SLC35F1: variants seen among roughly 807,000 people sequenced by gnomAD.
SLC35F1 encodes the protein solute carrier family 35 member F1, also known as chromosome 6 open reading frame 169.
A neutral mutation model predicts 48.7 loss-of-function variants in SLC35F1; 14 were observed. The ratio of observed to expected loss-of-function variants is 0.29; its 90% confidence interval spans 0.19 to 0.45. The LOEUF (loss-of-function observed/expected upper bound fraction) is 0.45, where lower values mean the gene tolerates loss of function less well. SLC35F1 is among the 20% of genes least tolerant of loss of function. SLC35F1 has a pLI of 1.00. For missense variants in SLC35F1, 404 were observed against 500.0 expected (o/e 0.81, Z 1.83); for synonymous variants, 190 against 202.2 (o/e 0.94, Z 0.51).
intron 1 of SLC35F1, among the ~76,000 whole-genome samples, chr6:118,019,966 G>A (rs1325297517): frequency 1.3e-5 from 2 of 152,170 alleles, no homozygotes; most frequent in African/African-American, 4.8e-5. Flanking sequence ...CTTGGTCAAT[G>A]CTAGTGGGGA....
intron 1 of SLC35F1, among the ~76,000 whole-genome samples, chr6:117,957,624 AT>A (rs1216013275): frequency 6.6e-6 from 1 of 152,192 alleles, no homozygotes; most frequent in African/African-American, 2.4e-5. Flanking sequence ...ACATAATGAC[AT>A]TTTGGTCAGT....
intron 1 of SLC35F1, among the ~76,000 whole-genome samples, chr6:118,019,880 G>A (rs982549013): frequency 4.6e-5 from 7 of 152,144 alleles, no homozygotes; most frequent in Non-Finnish European, 1.0e-4. Context: ...TTCAGCTTAT[G>A]TAATGTATAG....
intron 1 of SLC35F1, among the ~76,000 whole-genome samples, chr6:118,139,752 G>C (rs1291454571): frequency 6.6e-6 from 1 of 152,190 alleles, no homozygotes; most frequent in East Asian, 1.9e-4. Context: ...TGCACAAGTA[G>C]AAAGTGAAGC....
intron 1 of SLC35F1, among the ~76,000 whole-genome samples, chr6:118,089,630 C>T (rs1032499789): frequency 7.2e-5 from 11 of 152,154 alleles, no homozygotes; most frequent in African/African-American, 2.7e-4. Context: ...ACAAAGAGGC[C>T]TCAAACTGCT....
chr6:118,024,609 T>A (rs926865096), intron 1 of SLC35F1, among the ~76,000 whole-genome samples: 1 of 152,172 alleles, frequency 6.6e-6, no homozygotes, highest in Non-Finnish European at 1.5e-5. Context: ...CAGAGTGAAT[T>A]TCTGTAAATA....
chr6:117,998,839 G>A (rs1777040675), intron 1 of SLC35F1: 13 of 540,424 alleles, frequency 2.4e-5, no homozygotes, highest in South Asian at 2.2e-4. Flanking sequence ...ATCCAAAATT[G>A]ACACCCTAAC....
intron 1 of SLC35F1, among the ~76,000 whole-genome samples, chr6:118,039,162 G>A (rs914009621): frequency 6.6e-6 from 1 of 152,000 alleles, no homozygotes. Context: ...TTTTCTTTCA[G>A]CGCTTTCAAG....
chr6:118,048,750 A>G (rs934245943), intron 1 of SLC35F1, among the ~76,000 whole-genome samples: 36 of 152,252 alleles, frequency 2.4e-4, no homozygotes, highest in African/African-American at 8.4e-4. Context: ...CATGCTCATG[A>G]GTAGGAAGAA....
intron 2 of SLC35F1, among the ~76,000 whole-genome samples, chr6:118,178,138 A>G (rs1317730072): frequency 5.9e-5 from 9 of 152,016 alleles, no homozygotes; most frequent in Admixed American, 3.3e-4. Context: ...CCTTCTGTTC[A>G]AATTCCTGGG....
At chr6:118,211,076 A>C (rs1162931814) in intron 2 of SLC35F1, among the ~76,000 whole-genome samples, 1 of 152,208 alleles carries the variant, frequency 6.6e-6, no homozygotes, top group East Asian at 1.9e-4. Flanking sequence ...TGGAAGACAC[A>C]GGGACAGGAC....
At chr6:118,269,612 C>A (rs1775825415) in intron 4 of SLC35F1, among the ~76,000 whole-genome samples, 2 of 152,044 alleles carry the variant, frequency 1.3e-5, no homozygotes, top group Admixed American at 6.6e-5. Context: ...TGTTACATAT[C>A]ATTATCAAAA....
At chr6:118,200,382 G>A (rs1562323228) in intron 2 of SLC35F1, among the ~76,000 whole-genome samples, 1 of 152,230 alleles carries the variant, frequency 6.6e-6, no homozygotes, top group Non-Finnish European at 1.5e-5. Flanking sequence ...AATACTAAGT[G>A]GAAACACCAG....
intron 1 of SLC35F1, among the ~76,000 whole-genome samples, chr6:118,146,613 T>G (rs1773976748): frequency 6.6e-6 from 1 of 152,250 alleles, no homozygotes; most frequent in African/African-American, 2.4e-5. Context: ...CAGTTTCATA[T>G]AAATTTATTT....
At chr6:117,978,603 G>A (rs191094627) in intron 1 of SLC35F1, among the ~76,000 whole-genome samples, 1 of 152,112 alleles carries the variant, frequency 6.6e-6, no homozygotes, top group Admixed American at 6.5e-5. Context: ...CTCCTAGCTT[G>A]CTTCAGACCT....
chr6:118,148,486 A>AT (rs1290940371), intron 1 of SLC35F1, among the ~76,000 whole-genome samples: 2 of 152,010 alleles, frequency 1.3e-5, no homozygotes, highest in African/African-American at 2.4e-5. Flanking sequence ...GGTAATGGTT[A>AT]TGTCAGTCTT....
intron 1 of SLC35F1, among the ~76,000 whole-genome samples, chr6:117,909,164 G>A (rs547570623): frequency 6.6e-6 from 1 of 152,258 alleles, no homozygotes; most frequent in South Asian, 2.1e-4. Flanking sequence ...GACAGGAGTT[G>A]GTAATAGAAC....
chr6:118,052,999 A>C lies in SLC35F1; in HGVS notation c.174-101446A>C, dbSNP rs188488940. ...GTATCAGTGGTGCACAAGAGTGATT[A>C]TCATTAACTTTGATGAGGTGTTCCA... On this transcript the variant is annotated intron_variant, in intron 1 of 7. Transcript: ENST00000360388. 1.3e-3 allele frequency among the ~76,000 whole-genome samples: 195 copies of C among 152,188 alleles called. 1 individual carries two copies. Among genetic ancestry groups the C allele is most frequent in the Non-Finnish European group, 2.4e-3 (163 of 67,998 alleles).
At chr6:118,179,146 A>T (rs1008094263) in intron 2 of SLC35F1, among the ~76,000 whole-genome samples, 6 of 152,102 alleles carry the variant, frequency 3.9e-5, no homozygotes, top group Non-Finnish European at 8.8e-5. Context: ...TTTTGTATTC[A>T]TCAGTGTTCT....
chr6:118,042,616 A>G (rs930762079), intron 1 of SLC35F1, among the ~76,000 whole-genome samples: 1 of 152,318 alleles, frequency 6.6e-6, no homozygotes, highest in Middle Eastern at 3.4e-3. Context: ...TTGATAGGTT[A>G]GAGGGAATGT....
Sources: gnomAD v4.1 joint callset for allele counts (sites outside exome capture counted in the v4.1 genomes callset) on GRCh38, gnomAD v4.1.1 for gene constraint, MANE v1.5 for transcripts, NCBI Gene and HGNC (gene_info 2026-07-23, HGNC 2026-07-21) for gene names.